The following EHD3 variants were observed in gnomAD, a reference collection of about 807,000 sequenced individuals.
EHD3 encodes EH domain-containing protein 3.
EHD3 carries 17 observed loss-of-function variants against 43.0 expected under a neutral mutation model. The observed-to-expected ratio is 0.40, with a 90% confidence interval of 0.27 to 0.59. The LOEUF is 0.59. Ranked by LOEUF, EHD3 falls within the 20% of genes least tolerant of loss-of-function variation. The pLI is 0.49. For missense variants in EHD3, 594 were observed against 705.6 expected (o/e 0.84, Z 1.79); for synonymous variants, 313 against 289.5 (o/e 1.08, Z -0.82).
In EHD3 at chr2:31,234,378, G is replaced by A. The variant is rs909876415; in HGVS notation, c.-244G>A. 7.4e-6 allele frequency: 4 copies of A among 544,020 alleles called. No homozygotes were observed. Among genetic ancestry groups the A allele is most frequent in the African/African-American group, 5.9e-5 (3 of 51,266 alleles). The allele number at this position is 544,020 out of a possible 1,614,324, so 33.7% of individuals were successfully genotyped here. Reference sequence around the variant, plus strand: ...ATTTCACCCCTCCTCCTCAAGCCCAGATTATTTATCCTCCCTCCGGCCTGG... The same window carrying A: ...ATTTCACCCCTCCTCCTCAAGCCCAAATTATTTATCCTCCCTCCGGCCTGG... On this transcript the variant is annotated 5_prime_UTR_variant, in exon 1 of 6. Coordinates refer to ENST00000322054, the MANE Select transcript of EHD3 (RefSeq NM_014600.3).
Position 31,259,171 on chromosome 2 carries a change from C to G in EHD3, c.503-1339C>G, listed in dbSNP as rs75667665. 5.9e-3 allele frequency among the ~76,000 whole-genome samples: 894 copies of G among 152,264 alleles called. 9 individuals carry two copies. The highest frequency in any genetic ancestry group is 0.027 in the Middle Eastern group (8 of 294). ...GGTCACTTTAGTACCCAAGAAAGGG[C>G]TCCTACCTTGGTGCCAGAGGTATGC... On this transcript the variant is annotated intron_variant, in intron 3 of 5. Coordinates refer to ENST00000322054, the MANE Select transcript of EHD3 (RefSeq NM_014600.3).
intron 3 of EHD3, among the ~76,000 whole-genome samples, chr2:31,257,882 A>G (rs1683781460): frequency 6.6e-6 from 1 of 152,126 alleles, no homozygotes; most frequent in Non-Finnish European, 1.5e-5. Flanking sequence ...TCTAGTTCAC[A>G]CCAGGCCCTC....
chr2:31,237,991 G>C lies in EHD3; in HGVS notation c.227+3143G>C, dbSNP rs77352174. Among the ~76,000 whole-genome samples, 919 of 151,554 alleles carry C rather than the reference G, an allele frequency of 6.1e-3. 10 individuals carry two copies. Among genetic ancestry groups the C allele is most frequent in the African/African-American group, 0.021 (867 of 41,360 alleles). Reference sequence around the variant, plus strand: ...ATTTTTTCCTATATTGTGTGTGTGTGTTTTTTTTGTTTGTTTTTGTTTTTG... The same window carrying C: ...ATTTTTTCCTATATTGTGTGTGTGTCTTTTTTTTGTTTGTTTTTGTTTTTG... On this transcript the variant is annotated intron_variant, in intron 1 of 5. Transcript: ENST00000322054.
chr2:31,235,305 G>A (rs148464366), intron 1 of EHD3, among the ~76,000 whole-genome samples: 1 of 152,138 alleles, frequency 6.6e-6, no homozygotes, highest in African/African-American at 2.4e-5. Flanking sequence ...CACAGTTGCA[G>A]CTGAGTTCTG....
At chr2:31,242,994 A>G (rs964774314) in intron 1 of EHD3, among the ~76,000 whole-genome samples, 12 of 151,614 alleles carry the variant, frequency 7.9e-5, no homozygotes, top group Non-Finnish European at 1.6e-4. Context: ...AAATAAAATC[A>G]GGTCAGGCAC....
chr2:31,242,347 C>G (rs1683438804), intron 1 of EHD3, among the ~76,000 whole-genome samples: 1 of 152,136 alleles, frequency 6.6e-6, no homozygotes, highest in South Asian at 2.1e-4. Flanking sequence ...GTGTTGGGTA[C>G]AGAAGGAAGG....
chr2:31,258,685 A>T (rs1683796969), intron 3 of EHD3, among the ~76,000 whole-genome samples: 1 of 152,234 alleles, frequency 6.6e-6, no homozygotes, highest in Non-Finnish European at 1.5e-5. Context: ...ACACAGAGTC[A>T]TCGTGAGGAT....
chr2:31,242,248 G>C (rs1259134618), intron 1 of EHD3, among the ~76,000 whole-genome samples: 1 of 152,226 alleles, frequency 6.6e-6, no homozygotes, highest in Non-Finnish European at 1.5e-5. Flanking sequence ...GTGCAGACCA[G>C]GCCTGCTGCT....
intron 3 of EHD3, among the ~76,000 whole-genome samples, chr2:31,259,039 A>T (rs1003482295): frequency 6.6e-5 from 10 of 152,216 alleles, no homozygotes; most frequent in African/African-American, 1.9e-4. Context: ...GAGGCAGGGC[A>T]GGCTTTTTCC....
At chr2:31,242,208 C>T (rs1683436305) in intron 1 of EHD3, among the ~76,000 whole-genome samples, 2 of 152,214 alleles carry the variant, frequency 1.3e-5, no homozygotes, top group Non-Finnish European at 2.9e-5. Flanking sequence ...GGAGGAAGCC[C>T]TGGCAAGCCT....
At position 31,244,566 on chromosome 2, in the gene EHD3, A is replaced by C. The variant is rs1683484195; in HGVS notation, c.404+116A>C. On this transcript the variant is annotated intron_variant, in intron 2 of 5. Coordinates refer to ENST00000322054, the MANE Select transcript of EHD3 (RefSeq NM_014600.3). ...GCTTGGTGCCTAGAGTCTCCTGTCA[A>C]TCTTTCCATACCTAGATTGTCCCTT... The C allele has an allele frequency of 9.8e-6, 11 of 1,117,596 alleles. No homozygotes were observed. The Admixed American group carries it at 2.3e-4, about 23-fold the overall frequency. The allele number at this position is 1,117,596 out of a possible 1,614,324, so 69.2% of individuals were successfully genotyped here.
chr2:31,260,915 TGGCCA>T lies in EHD3; in HGVS notation c.909_913del (p.Ala304GlyfsTer64). The stretch of plus-strand genomic sequence containing the variant: ...AACGACCTCATCAAAAGGGCCAGGC[TGGCCA>T]AGGTGAGGCAGCCCCCTGGGAGGTG... On this transcript the variant is annotated frameshift_variant and splice_region_variant, in exon 4 of 6. Coordinates refer to ENST00000322054, the MANE Select transcript of EHD3 (RefSeq NM_014600.3). LOFTEE classifies it high-confidence loss of function. The surrounding 1 kb of genome is among the most constrained non-coding windows in gnomAD (Gnocchi z 4.6). 1 of 1,603,064 alleles carries T rather than the reference TGGCCA, an allele frequency of 6.2e-7. No homozygotes were observed. The highest frequency in any genetic ancestry group is 8.5e-7 in the Non-Finnish European group (1 of 1,174,248).
chr2:31,237,979 TTGTG>T (rs1166561300), intron 1 of EHD3, among the ~76,000 whole-genome samples: 3 of 152,098 alleles, frequency 2.0e-5, no homozygotes, highest in South Asian at 2.1e-4. Context: ...TTTTCCTATA[TTGTG>T]TGTGTGTGTT....
Position 31,243,448 on chromosome 2 carries a change from C to CTTTTT in EHD3, c.228-823_228-822insTTTTT, listed in dbSNP as rs1310045883. Among the ~76,000 whole-genome samples the CTTTTT allele has an allele frequency of 3.6e-4, 24 of 67,062 alleles. 6 individuals are homozygous for CTTTTT. The highest frequency in any genetic ancestry group is 1.0e-3 in the Admixed American group (5 of 5,012). The allele number at this position is 67,062 out of a possible 152,430, so 44.0% of individuals were successfully genotyped here. On this transcript the variant is annotated intron_variant, in intron 1 of 5. Coordinates refer to ENST00000322054, the MANE Select transcript of EHD3 (RefSeq NM_014600.3). ...TCTTTCTTTCTTTCTTTCTTTCTTT[C>CTTTTT]TTTCTTTCTTTCTTTTTTTTTTTTT...
rs1684008553 is a variant in EHD3, at chr2:31,269,229, T to A, written c.*2525T>A. The A allele has an allele frequency of 6.6e-6, 1 of 152,186 alleles. No individual in the cohort carries two copies. 9.4% of individuals were successfully genotyped at this position (152,186 alleles called of 1,614,324 possible). ...CTAGAGCACTTGTCCTGTTGTTCCT[T>A]GCCCCGACATTACTCAGTCTGGGCC... is the stretch of plus-strand genomic sequence containing the variant. On this transcript the variant is annotated 3_prime_UTR_variant, in exon 6 of 6. Transcript: ENST00000322054.
chr2:31,241,763 T>C (rs1180857631), intron 1 of EHD3, among the ~76,000 whole-genome samples: 1 of 152,204 alleles, frequency 6.6e-6, no homozygotes, highest in Non-Finnish European at 1.5e-5. Flanking sequence ...GCAGGTTGGC[T>C]GGCCCCAGGC....
intron 3 of EHD3, among the ~76,000 whole-genome samples, chr2:31,254,638 G>T (rs150677985): frequency 9.2e-5 from 14 of 152,276 alleles, no homozygotes; most frequent in African/African-American, 3.4e-4. Flanking sequence ...TTTTTGGGGA[G>T]GGATGGGGTT....
intron 1 of EHD3, among the ~76,000 whole-genome samples, chr2:31,241,871 CTCA>C (rs1038941546): frequency 6.6e-6 from 1 of 152,208 alleles, no homozygotes; most frequent in African/African-American, 2.4e-5. Context: ...AGGATTCACT[CTCA>C]TCACAACCTC....
In EHD3 at chr2:31,266,079, C is replaced by A; in HGVS notation, c.1081-98C>A. The A allele has an allele frequency of 7.0e-7, 1 of 1,418,618 alleles. No individual in the cohort carries two copies. The highest frequency in any genetic ancestry group is 9.5e-7 in the Non-Finnish European group (1 of 1,054,406). The allele number at this position is 1,418,618 out of a possible 1,614,324, so 87.9% of individuals were successfully genotyped here. A position where few individuals can be genotyped will look rare whatever the true frequency, so the allele number is the denominator to read the frequency against. On this transcript the variant is annotated intron_variant, in intron 5 of 5. Transcript: ENST00000322054. This position sits in a 1 kb window ranked among gnomAD's most constrained non-coding sequence, Gnocchi z 5.1. ...CAGGTCTTTCATTGTAGAAAGGGAT[C>A]AGCTGTGAACATTCTGGTGCTCATA...
Sources: allele counts gnomAD v4.1 joint callset (sites outside exome capture counted in the v4.1 genomes callset), GRCh38; gene constraint gnomAD v4.1.1; non-coding constraint Gnocchi (gnomAD v3.1); transcripts MANE v1.5; gene names NCBI Gene and HGNC (gene_info 2026-07-23, HGNC 2026-07-21).